The following TRABD2B variants were observed in gnomAD, a reference collection of about 807,000 sequenced individuals.
TRABD2B encodes the protein TraB domain containing 2B.
Under a neutral mutation model 40.1 loss-of-function variants are expected in TRABD2B, and 14 were observed. The ratio of observed to expected loss-of-function variants is 0.35; its 90% CI spans 0.23 to 0.55. The LOEUF (loss-of-function observed/expected upper bound fraction) is 0.55. Among genes scored for constraint, TRABD2B ranks in the 20% least tolerant of loss-of-function variants. The probability of loss-of-function intolerance (pLI) is 0.90; values close to 1 mark genes in which losing one functional copy is unlikely to be tolerated. For synonymous variants in TRABD2B, 263 were observed against 277.0 expected (o/e 0.95, Z 0.50); for missense variants, 541 against 648.6 (o/e 0.83, Z 1.80).
chr1:47,908,105 T>C (rs1303335053), intron 2 of TRABD2B, among the ~76,000 whole-genome samples: 1 of 152,228 alleles, frequency 6.6e-6, no homozygotes, highest in African/African-American at 2.4e-5. Flanking sequence ...GATATGTATT[T>C]ACCTTAGTGG....
In TRABD2B at chr1:47,810,137, GGT is replaced by G. The variant is rs140552120; in HGVS notation, c.667-8520_667-8519del. On this transcript the variant is annotated intron_variant, in intron 2 of 6. Coordinates refer to ENST00000606738, the MANE Select transcript of TRABD2B (RefSeq NM_001194986.2). ...GAAAATAAGGCAAAGAGGAATATAG[GGT>G]GTGTGTGTGTGTGTGCGCGCGCGCG... Among the ~76,000 whole-genome samples the G allele has an allele frequency of 3.0e-3, 408 of 136,148 alleles. 1 individual carries two copies. The highest frequency in any genetic ancestry group is 0.011 in the South Asian group (49 of 4,488). 89.3% of individuals were successfully genotyped at this position (136,148 alleles called of 152,430 possible). A position where few individuals can be genotyped will look rare whatever the true frequency, so the allele number is the denominator to read the frequency against.
intron 2 of TRABD2B, among the ~76,000 whole-genome samples, chr1:47,957,741 C>A (rs923259748): frequency 6.6e-6 from 1 of 152,144 alleles, no homozygotes; most frequent in African/African-American, 2.4e-5. Flanking sequence ...GATTGGTGTA[C>A]CTGAAAGTGA....
chr1:47,906,398 G>A (rs1012099158), intron 2 of TRABD2B, among the ~76,000 whole-genome samples: 2 of 152,180 alleles, frequency 1.3e-5, no homozygotes, highest in African/African-American at 4.8e-5. Context: ...GTGAGTTCAC[G>A]TTAGCATTTG....
intron 2 of TRABD2B, among the ~76,000 whole-genome samples, chr1:47,851,409 C>G (rs550199387): frequency 3.9e-5 from 6 of 152,092 alleles, no homozygotes; most frequent in African/African-American, 1.4e-4. Context: ...AGGAGAGTCA[C>G]AAGAATGTAT....
chr1:47,830,941 G>A (rs1294361212), intron 2 of TRABD2B, among the ~76,000 whole-genome samples: 2 of 152,244 alleles, frequency 1.3e-5, no homozygotes, highest in Non-Finnish European at 2.9e-5. Context: ...AGCAGAGAGA[G>A]AGAAAGGCAG....
chr1:47,852,822 TAAC>T (rs1454345869), intron 2 of TRABD2B, among the ~76,000 whole-genome samples: 1 of 152,124 alleles, frequency 6.6e-6, no homozygotes, highest in African/African-American at 2.4e-5. Flanking sequence ...GAAGAACTCT[TAAC>T]AACCATAATA....
At chr1:47,898,214 C>A (rs565300763) in intron 2 of TRABD2B, among the ~76,000 whole-genome samples, 2 of 152,186 alleles carry the variant, frequency 1.3e-5, no homozygotes, top group Non-Finnish European at 2.9e-5. Flanking sequence ...AAGGCTGGAA[C>A]CCTGAGCCCT....
intron 2 of TRABD2B, among the ~76,000 whole-genome samples, chr1:47,873,584 A>G (rs930708498): frequency 1.3e-5 from 2 of 152,172 alleles, no homozygotes; most frequent in Admixed American, 6.5e-5. Flanking sequence ...TGTTGGCTGC[A>G]TCATCTTCCA....
chr1:47,812,302 T>C (rs1257252038), intron 2 of TRABD2B, among the ~76,000 whole-genome samples: 1 of 152,122 alleles, frequency 6.6e-6, no homozygotes, highest in Non-Finnish European at 1.5e-5. Context: ...CACGGGTAAT[T>C]ATAATGTGGT....
intron 2 of TRABD2B, among the ~76,000 whole-genome samples, chr1:47,881,139 T>C (rs1644297803): frequency 6.6e-6 from 1 of 152,170 alleles, no homozygotes; most frequent in Non-Finnish European, 1.5e-5. Flanking sequence ...TAATCCTGCA[T>C]GGTCTGGTCC....
intron 6 of TRABD2B, among the ~76,000 whole-genome samples, chr1:47,768,069 C>A (rs1370710075): frequency 2.6e-5 from 4 of 152,180 alleles, no homozygotes; most frequent in Non-Finnish European, 5.9e-5. Flanking sequence ...GGCACTCTGT[C>A]CTGGCTTGAC....
At chr1:47,914,859 T>G (rs1429393594) in intron 2 of TRABD2B, among the ~76,000 whole-genome samples, 1 of 152,194 alleles carries the variant, frequency 6.6e-6, no homozygotes, top group Non-Finnish European at 1.5e-5. Context: ...GGCACTGGCT[T>G]TAGGCTGAAT....
chr1:47,806,840 G>A (rs1276734458), intron 2 of TRABD2B, among the ~76,000 whole-genome samples: 3 of 152,212 alleles, frequency 2.0e-5, no homozygotes, highest in Non-Finnish European at 2.9e-5. Context: ...CAATGGCACT[G>A]AGAAGGCAGC....
chr1:47,837,147 G>A (rs560117891), intron 2 of TRABD2B, among the ~76,000 whole-genome samples: 62 of 152,204 alleles, frequency 4.1e-4, no homozygotes, highest in Non-Finnish European at 7.1e-4. Flanking sequence ...CTGGGGCTCA[G>A]GAAGCCAGGG....
chr1:47,870,530 T>G (rs1277156109), intron 2 of TRABD2B, among the ~76,000 whole-genome samples: 2 of 152,222 alleles, frequency 1.3e-5, no homozygotes, highest in Non-Finnish European at 2.9e-5. Context: ...TGATGGCACT[T>G]GTCACCATGC....
At chr1:47,929,556 T>C (rs1314723060) in intron 2 of TRABD2B, among the ~76,000 whole-genome samples, 1 of 152,220 alleles carries the variant, frequency 6.6e-6, no homozygotes, top group African/African-American at 2.4e-5. Context: ...CCTCATCCTG[T>C]GCTCTCAAAT....
chr1:47,954,834 T>C (rs1289029694), intron 2 of TRABD2B, among the ~76,000 whole-genome samples: 1 of 152,158 alleles, frequency 6.6e-6, no homozygotes, highest in Non-Finnish European at 1.5e-5. Flanking sequence ...CTCCTCTTCC[T>C]GCTCTTAGCT....
chr1:47,810,600 C>T (rs996459501), intron 2 of TRABD2B, among the ~76,000 whole-genome samples: 8 of 152,292 alleles, frequency 5.3e-5, no homozygotes, highest in African/African-American at 1.9e-4. Context: ...CCAACAGCAA[C>T]CAGGTGGCAC....
At chr1:47,842,416 T>G (rs1365777824) in intron 2 of TRABD2B, among the ~76,000 whole-genome samples, 1 of 152,152 alleles carries the variant, frequency 6.6e-6, no homozygotes, top group Non-Finnish European at 1.5e-5. Flanking sequence ...GCCTTTCTTA[T>G]TCTGCCTGGT....
Sources: gnomAD v4.1 joint callset for allele counts (sites outside exome capture counted in the v4.1 genomes callset) on GRCh38, gnomAD v4.1.1 for gene constraint, MANE v1.5 for transcripts, NCBI Gene and HGNC (gene_info 2026-07-23, HGNC 2026-07-21) for gene names.